RGL3: variants seen among roughly 807,000 people sequenced by gnomAD.
The protein encoded by RGL3 is ral guanine nucleotide dissociation stimulator-like 3.
RGL3 carries 85 observed loss-of-function variants against 90.6 expected under a neutral mutation model. That is an observed-to-expected ratio of 0.94 (90% confidence interval 0.79 to 1.12). The LOEUF is 1.12. Among genes scored for constraint, RGL3 ranks in the 50% most tolerant of loss-of-function variants. The pLI is 0.00. For synonymous variants in RGL3, 408 were observed against 385.5 expected, an observed-to-expected ratio of 1.06 and a Z score of -0.68; for missense variants, 1,034 against 939.2, an observed-to-expected ratio of 1.10 and a Z score of -1.32.
chr19:11,416,057 TTC>T lies in RGL3; in HGVS notation c.515_516del (p.Arg172HisfsTer12). 1 of 1,613,338 alleles carries T rather than the reference TTC, an allele frequency of 6.2e-7. No homozygotes were observed. Among genetic ancestry groups the T allele is most frequent in the Non-Finnish European group, 8.5e-7 (1 of 1,179,788 alleles). On this transcript the variant is annotated frameshift_variant, in exon 5 of 19. Transcript: ENST00000380456. LOFTEE classifies it high-confidence loss of function. ...CCTGGGGCCGCCCAGCCCAGAAAGG[TTC>T]GGACACTGCCCAGGTCCGAATGGGC... ...HPAHSDLGSV[R>X]TFLGWAAPGS...
intron 16 of RGL3, 86 bp downstream of exon 16, chr19:11,399,769 G>A: frequency 1.3e-6 from 1 of 757,706 alleles, no homozygotes; most frequent in East Asian, 2.9e-5. Flanking sequence ...AATCCTGTGT[G>A]TACACATGTG....
At chr19:11,403,779 C>A (rs2144724521) in intron 9 of RGL3, among the ~76,000 whole-genome samples, 1 of 152,198 alleles carries the variant, frequency 6.6e-6, no homozygotes, top group East Asian at 1.9e-4. Flanking sequence ...TAGTGGCCCC[C>A]AGGGCTGGCC....
intron 5 of RGL3, among the ~76,000 whole-genome samples, chr19:11,408,563 C>T (rs1318071432): frequency 6.7e-6 from 1 of 148,462 alleles, no homozygotes; most frequent in Non-Finnish European, 1.5e-5. Flanking sequence ...TCCAGCCTGG[C>T]GACAGAGCGA....
At chr19:11,413,293 T>C (rs1205676036) in intron 5 of RGL3, among the ~76,000 whole-genome samples, 1 of 151,062 alleles carries the variant, frequency 6.6e-6, no homozygotes, top group Admixed American at 6.6e-5. Flanking sequence ...CCCAGCACTT[T>C]GGGAGACCGA....
intron 2 of RGL3, among the ~76,000 whole-genome samples, chr19:11,418,296 C>G (rs1028384053): frequency 7.0e-6 from 1 of 142,498 alleles, no homozygotes; most frequent in African/African-American, 2.6e-5. Flanking sequence ...TCCCTCAGCC[C>G]TCCTGTCGCG....
intron 5 of RGL3, among the ~76,000 whole-genome samples, chr19:11,414,484 C>T (rs56193733): frequency 0.036 from 1,491 of 41,938 alleles, 151 homozygotes; most frequent in African/African-American, 0.13. Flanking sequence ...TATATATATA[C>T]ACCTTCATAT....
At chr19:11,411,276 A>G (rs1448826340) in intron 5 of RGL3, 6 of 151,802 alleles carry the variant, frequency 4.0e-5, no homozygotes, top group Non-Finnish European at 7.4e-5. Context: ...TTGGATTTCA[A>G]TTTGAAGAAA....
rs201431613 is a variant in RGL3 at position 11,417,028 on chromosome 19, T to C, written c.179A>G (p.His60Arg). Residue 60 changes from histidine (H) to arginine (R), a missense_variant, in exon 3 of 19, where the codon CAC (histidine) becomes CGC (arginine). By Grantham distance (29) the His-to-Arg change is conservative. Transcript: ENST00000380456. Reference protein sequence around the residue: ...APSPIANTFLHYRTSKVRVLR... With the variant: ...APSPIANTFLRYRTSKVRVLR... ...CACCCTCACCTTGCTGGTTCGATAG[T>C]GGAGGAAGGTATTGGCAATGGGGCT... 108 of 1,610,250 alleles carry C rather than the reference T, an allele frequency of 6.7e-5. No homozygotes were observed. The highest frequency in any genetic ancestry group is 9.1e-5 in the Non-Finnish European group (107 of 1,178,056).
chr19:11,407,772 C>T (rs1419196597), intron 5 of RGL3, among the ~76,000 whole-genome samples: 1 of 151,564 alleles, frequency 6.6e-6, no homozygotes. Flanking sequence ...CTGCAACCTC[C>T]GCCTCCAGGT....
Position 11,399,749 on chromosome 19 carries a change from C to T in RGL3, c.1746+106G>A, listed in dbSNP as rs573177344. ...CTCAGTGTGCCTCCTGTATACACTCCTGGCCCCACAATCCTGTGTGTACAC... is the reference window on the plus strand; with the variant it reads ...CTCAGTGTGCCTCCTGTATACACTCTTGGCCCCACAATCCTGTGTGTACAC... On this transcript the variant is annotated intron_variant, in intron 16 of 18. Coordinates refer to ENST00000380456, the MANE Select transcript of RGL3 (RefSeq NM_001035223.4). The T allele has an allele frequency of 3.3e-4, 211 of 638,760 alleles. 3 individuals are homozygous for T. In the South Asian group the frequency reaches 4.0e-3, roughly 12 times the overall value. The allele number at this position is 638,760 out of a possible 1,614,324, so 39.6% of individuals were successfully genotyped here.
chr19:11,394,866 G>C (rs915411949), intron 18 of RGL3, among the ~76,000 whole-genome samples: 1 of 151,940 alleles, frequency 6.6e-6, no homozygotes, highest in Non-Finnish European at 1.5e-5. Flanking sequence ...GAAGTGGGTG[G>C]ATCACTTGAG....
intron 5 of RGL3, chr19:11,411,306 C>G (rs1968870911): frequency 6.6e-6 from 1 of 152,148 alleles, no homozygotes; most frequent in African/African-American, 2.4e-5. Flanking sequence ...CTCCTTCCCC[C>G]AGCTCTATCG....
At chr19:11,399,550 C>T (rs1328125892) in intron 16 of RGL3, among the ~76,000 whole-genome samples, 1 of 151,992 alleles carries the variant, frequency 6.6e-6, no homozygotes, top group African/African-American at 2.4e-5. Flanking sequence ...GCCTGGGTGA[C>T]AGAGCAAGAA....
intron 18 of RGL3, chr19:11,394,815 C>T (rs1370751712): frequency 2.1e-5 from 7 of 326,144 alleles, no homozygotes; most frequent in South Asian, 3.0e-5. Context: ...ACTGGCCGGG[C>T]GCGATGCCTC....
rs145903099 is a variant in RGL3 at position 11,412,017 on chromosome 19, C to T, written c.637+3920G>A. On this transcript the variant is annotated intron_variant, in intron 5 of 18. Transcript: ENST00000380456. ...TAAAAGGGCCGGGCGCCATGGCTCA[C>T]GCCTGTAATACCAACACTTTGGGAG... Among the ~76,000 whole-genome samples the T allele has an allele frequency of 5.3e-3, 804 of 152,202 alleles. 1 individual carries two copies. Among genetic ancestry groups the T allele is most frequent in the Non-Finnish European group, 9.1e-3 (617 of 68,012 alleles).
chr19:11,416,990 G>A lies in RGL3; in HGVS notation c.217C>T (p.Arg73Cys), dbSNP rs752249354. Residue 73 changes from arginine to cysteine, a missense_variant, in exon 3 of 19, where the codon CGC becomes TGC. Physicochemically the swap from Arg to Cys is radical, Grantham distance 180. Transcript: ENST00000380456. ...TSKVRVLRAARLERLVGELVF... is the reference protein window; with the variant it reads ...TSKVRVLRAACLERLVGELVF... ...AACTCTCCCACCAGCCGCTCCAGGC[G>A]CGCTGCCCTCAGCACCCTCACCTTG... 1.1e-5 allele frequency: 18 copies of A among 1,613,852 alleles called. No homozygotes were observed. The highest frequency in any genetic ancestry group is 6.7e-5 in the East Asian group (3 of 44,890).
At position 11,397,583 on chromosome 19, in the gene RGL3, C is replaced by T; in HGVS notation, c.1761G>A (p.Leu587=). The T allele has an allele frequency of 1.3e-6, 2 of 1,569,276 alleles. No homozygotes were observed. Among genetic ancestry groups the T allele is most frequent in the East Asian group, 2.3e-5 (1 of 42,878 alleles). The change falls in exon 17 of 19, where the codon CTG becomes CTA. Residue 587 remains leucine (L), a synonymous_variant. Coordinates refer to ENST00000380456, the MANE Select transcript of RGL3 (RefSeq NM_001035223.4). ...CGAAGGGCCGGGGGCTGGGCAGGTC[C>T]AGGCTCAGGGGCAGCTGCAGGCAGT... The part of the protein sequence containing the change: ...QGPSTKLPLS[L]DLPSPRPFAL...
rs763804668 is a variant in RGL3 at position 11,400,235 on chromosome 19, C to T, written c.1547G>A (p.Arg516Gln). ...AASCPSSPRI[R>Q]RRISLTKRLS... ...ACGCTTGGTGAGGCTGATCCGCCGT[C>T]GGATGCGTGGGGAGCTGGGGCAGGA... Residue 516 changes from arginine (R) to glutamine (Q), a missense_variant, in exon 14 of 19, where the codon CGA (arginine) becomes CAA (glutamine). Coordinates refer to ENST00000380456, the MANE Select transcript of RGL3 (RefSeq NM_001035223.4). 17 of 1,596,754 alleles carry T rather than the reference C, an allele frequency of 1.1e-5. No individual in the cohort carries two copies. Among genetic ancestry groups the T allele is most frequent in the South Asian group, 3.4e-5 (3 of 88,842 alleles).
rs773297991 is a variant in RGL3, at chr19:11,417,042, G to T, written c.165C>A (p.Ala55=). Residue 55 remains alanine (A), a synonymous_variant, in exon 3 of 19, where the codon GCC becomes GCA. Coordinates refer to ENST00000380456, the MANE Select transcript of RGL3 (RefSeq NM_001035223.4). ...PGGSQAPSPI[A]NTFLHYRTSK... is the part of the protein sequence containing the mutation. Reference sequence around the variant, plus strand: ...TGGTTCGATAGTGGAGGAAGGTATTGGCAATGGGGCTGGGAGCCTGCAGGA... The same window carrying T: ...TGGTTCGATAGTGGAGGAAGGTATTTGCAATGGGGCTGGGAGCCTGCAGGA... 80 of 1,605,390 alleles carry T rather than the reference G, an allele frequency of 5.0e-5. 1 individual carries two copies. In the Middle Eastern group the frequency reaches 5.0e-4, roughly 10 times the overall value.
Sources: allele counts gnomAD v4.1 joint callset (sites outside exome capture counted in the v4.1 genomes callset), GRCh38; gene constraint gnomAD v4.1.1; transcripts MANE v1.5; gene names NCBI Gene and HGNC (gene_info 2026-07-23, HGNC 2026-07-21).